SEC23IP: variants seen among roughly 807,000 people sequenced by gnomAD.
SEC23IP encodes SEC23-interacting protein.
In SEC23IP, 70 loss-of-function variants were observed where a neutral mutation model predicts 113.4. The ratio of observed to expected loss-of-function variants is 0.62; its 90% CI spans 0.51 to 0.75. SEC23IP has a LOEUF of 0.75. Ranked by LOEUF, SEC23IP falls within the 30% of genes least tolerant of loss-of-function variation. The pLI, the probability that SEC23IP is intolerant of heterozygous loss-of-function variation, is 0.00. For synonymous variants in SEC23IP, 398 were observed against 421.0 expected, an observed-to-expected ratio of 0.95 and a Z score of 0.67; for missense variants, 1,160 against 1,204.9, an observed-to-expected ratio of 0.96 and a Z score of 0.55.
chr10:119,926,662 A>G (rs1407778236), intron 13 of SEC23IP, among the ~76,000 whole-genome samples: 1 of 152,198 alleles, frequency 6.6e-6, no homozygotes, highest in African/African-American at 2.4e-5. Flanking sequence ...GCATTTAATG[A>G]TATACTTTAA....
chr10:119,894,827 C>T (rs1854215243), intron 1 of SEC23IP, among the ~76,000 whole-genome samples: 1 of 151,408 alleles, frequency 6.6e-6, no homozygotes, highest in South Asian at 2.1e-4. Flanking sequence ...TCATGCTAAA[C>T]GTTTTCATTG....
intron 15 of SEC23IP, among the ~76,000 whole-genome samples, chr10:119,931,792 T>C (rs547182631): frequency 1.3e-3 from 200 of 152,228 alleles, no homozygotes; most frequent in African/African-American, 4.5e-3. Context: ...GACCTCGTGA[T>C]CCACCCACGT....
At chr10:119,914,919 T>C in intron 7 of SEC23IP, 100 bp downstream of exon 7, 2 of 1,070,076 alleles carry the variant, frequency 1.9e-6, no homozygotes, top group Non-Finnish European at 2.8e-6. Context: ...GTGTACTACT[T>C]GCTGAGGAGT....
chr10:119,913,616 C>T (rs1040610742), intron 6 of SEC23IP, among the ~76,000 whole-genome samples: 23 of 151,698 alleles, frequency 1.5e-4, no homozygotes, highest in African/African-American at 4.8e-4. Flanking sequence ...CTCAGCCTCC[C>T]GAGTAGCTGG....
chr10:119,895,421 G>C (rs1361199399), intron 1 of SEC23IP, among the ~76,000 whole-genome samples: 1 of 152,150 alleles, frequency 6.6e-6, no homozygotes, highest in East Asian at 1.9e-4. Context: ...CTATTTGCCA[G>C]GCACTGTTCC....
chr10:119,904,022 T>G, intron 3 of SEC23IP, 62 bp from the exon 4 acceptor site: 3 of 1,549,148 alleles, frequency 1.9e-6, no homozygotes, highest in Non-Finnish European at 2.7e-6. Context: ...GCCCAGCAGA[T>G]TATTTATTAT....
chr10:119,909,988 A>T (rs745762191), intron 5 of SEC23IP, among the ~76,000 whole-genome samples: 1 of 152,206 alleles, frequency 6.6e-6, no homozygotes, highest in Non-Finnish European at 1.5e-5. Context: ...AATTTTTTTC[A>T]CTTGATCAGA....
At chr10:119,934,178 T>C (rs1298733086) in intron 18 of SEC23IP, among the ~76,000 whole-genome samples, 2 of 152,198 alleles carry the variant, frequency 1.3e-5, no homozygotes, top group Non-Finnish European at 2.9e-5. Context: ...CCCAGAGTGC[T>C]TGCCTCTTCC....
chr10:119,917,700 A>G lies in SEC23IP; in HGVS notation c.1545-136A>G, dbSNP rs1855098446. ...GGCCTATCTTGATTTATTTATAATG[A>G]CTATCTACAGAAACAACTCATAGTC... On this transcript the variant is annotated intron_variant, in intron 8 of 18. Coordinates refer to ENST00000369075, the MANE Select transcript of SEC23IP (RefSeq NM_007190.4). 1.2e-5 allele frequency: 8 copies of G among 642,190 alleles called. No individual in the cohort carries two copies. The East Asian group carries it at 1.9e-4, about 16-fold the overall frequency. The allele number at this position is 642,190 out of a possible 1,614,324, so 39.8% of individuals were successfully genotyped here. A position where few individuals can be genotyped will look rare whatever the true frequency, so the allele number is the denominator to read the frequency against.
chr10:119,916,014 A>C, intron 8 of SEC23IP, 125 bp downstream of exon 8: 1 of 713,268 alleles, frequency 1.4e-6, no homozygotes, highest in Middle Eastern at 3.5e-4. Context: ...TACTTCTGAC[A>C]TATAATTAAA....
chr10:119,936,264 T>A (rs1355892118), intron 18 of SEC23IP, among the ~76,000 whole-genome samples: 1 of 152,258 alleles, frequency 6.6e-6, no homozygotes, highest in East Asian at 1.9e-4. Flanking sequence ...ATTGCATATT[T>A]TGAAAAGATT....
intron 5 of SEC23IP, among the ~76,000 whole-genome samples, chr10:119,911,379 G>T (rs1285922985): frequency 6.6e-6 from 1 of 151,690 alleles, no homozygotes; most frequent in African/African-American, 2.4e-5. Flanking sequence ...TCCCATGTTG[G>T]CCTCTCAAAG....
chr10:119,932,954 A>T, intron 16 of SEC23IP, 51 bp from the exon 17 acceptor site: 1 of 1,520,534 alleles, frequency 6.6e-7, no homozygotes, highest in Non-Finnish European at 9.1e-7. Context: ...CTAAAGTCAA[A>T]GGATAAAGAT....
Position 119,941,766 on chromosome 10 carries a change from G to C in SEC23IP, c.*1201G>C, listed in dbSNP as rs548076985. On this transcript the variant is annotated 3_prime_UTR_variant, in exon 19 of 19. Transcript: ENST00000369075. Reference sequence around the variant, plus strand: ...TGTATTTCTCTTGTCTTCCTTAAAAGTGTCCCCATGAACTCAGTGTTTATT... The same window carrying C: ...TGTATTTCTCTTGTCTTCCTTAAAACTGTCCCCATGAACTCAGTGTTTATT... The C allele has an allele frequency of 6.6e-6, 1 of 152,626 alleles. No homozygotes were observed. The highest frequency in any genetic ancestry group is 1.9e-4 in the East Asian group (1 of 5,202). The allele number at this position is 152,626 out of a possible 1,614,324, so 9.5% of individuals were successfully genotyped here.
At chr10:119,894,892 CTGTGTGTGTGTGTGTG>C (rs3065498) in intron 1 of SEC23IP, among the ~76,000 whole-genome samples, 15 of 143,502 alleles carry the variant, frequency 1.0e-4, no homozygotes, top group South Asian at 7.2e-4. Flanking sequence ...TGGAGACAGT[CTGTGTGTGTGTGTGTG>C]TGTGTGTGTG....
At chr10:119,907,035 C>T (rs974819171) in intron 4 of SEC23IP, among the ~76,000 whole-genome samples, 2 of 151,088 alleles carry the variant, frequency 1.3e-5, no homozygotes, top group Non-Finnish European at 2.9e-5. Context: ...TGGTGACTCA[C>T]GCCTGTAATC....
At chr10:119,915,071 T>C (rs1304692683) in intron 7 of SEC23IP, among the ~76,000 whole-genome samples, 1 of 152,256 alleles carries the variant, frequency 6.6e-6, no homozygotes, top group African/African-American at 2.4e-5. Flanking sequence ...TGACAGCCTT[T>C]GCCTGAGCAC....
At chr10:119,918,289 T>C (rs911841598) in intron 9 of SEC23IP, 104 bp from the exon 10 acceptor site, 6 of 745,492 alleles carry the variant, frequency 8.0e-6, no homozygotes, top group Non-Finnish European at 1.3e-5. Flanking sequence ...AGGTCTTGAA[T>C]AACATGTAAC....
chr10:119,904,146 T>C lies in SEC23IP; in HGVS notation c.970T>C (p.Tyr324His), dbSNP rs1451743819. 6.2e-7 allele frequency: 1 copy of C among 1,614,216 alleles called. No individual in the cohort carries two copies. Among genetic ancestry groups the C allele is most frequent in the Non-Finnish European group, 8.5e-7 (1 of 1,180,028 alleles). The change falls in exon 4 of 19, where the codon TAT becomes CAT. Residue 324 changes from tyrosine to histidine, a missense_variant. Coordinates refer to ENST00000369075, the MANE Select transcript of SEC23IP (RefSeq NM_007190.4). ...TGGAGGGCGCTACGATGTTTACCTC[T>C]ATGACCGAATAAGGAAGGCTGCCTA... ...TDGGRYDVYL[Y>H]DRIRKAAYWE...
Sources: allele counts gnomAD v4.1 joint callset (sites outside exome capture counted in the v4.1 genomes callset), GRCh38; gene constraint gnomAD v4.1.1; transcripts MANE v1.5; gene names NCBI Gene and HGNC (gene_info 2026-07-23, HGNC 2026-07-21).